The following ZSCAN1 variants were observed in gnomAD, a reference collection of about 807,000 sequenced individuals.
ZSCAN1 encodes zinc finger and SCAN domain containing 1.
A neutral mutation model predicts 23.8 loss-of-function variants in ZSCAN1; 23 were observed. The observed-to-expected ratio is 0.97, with a 90% CI of 0.70 to 1.37. The LOEUF (loss-of-function observed/expected upper bound fraction) is 1.37, where lower values mean the gene tolerates loss of function less well. Among genes scored for constraint, ZSCAN1 ranks in the 40% most tolerant of loss-of-function variants. The pLI, the probability that ZSCAN1 is intolerant of heterozygous loss-of-function variation, is 0.00. For synonymous variants in ZSCAN1, 236 were observed against 232.3 expected, an observed-to-expected ratio of 1.02 and a Z score of -0.15; for missense variants, 575 against 554.0, an observed-to-expected ratio of 1.04 and a Z score of -0.38.
intron 2 of ZSCAN1, among the ~76,000 whole-genome samples, chr19:58,036,964 G>A (rs2073741930): frequency 6.6e-6 from 1 of 152,254 alleles, no homozygotes; most frequent in Non-Finnish European, 1.5e-5. Flanking sequence ...GATTACAGGT[G>A]TGAGCCACGG....
chr19:58,034,517 C>A (rs1260951848), intron 1 of ZSCAN1, among the ~76,000 whole-genome samples: 1 of 152,004 alleles, frequency 6.6e-6, no homozygotes, highest in Non-Finnish European at 1.5e-5. Flanking sequence ...CGCCCAAACA[C>A]CGCTCGGCCG....
At position 58,039,628 on chromosome 19, in the gene ZSCAN1, G is replaced by A. The variant is rs974999360; in HGVS notation, c.371-822G>A. Among the ~76,000 whole-genome samples, 4 of 152,042 alleles carry A rather than the reference G, an allele frequency of 2.6e-5. No homozygotes were observed. The South Asian group carries it at 6.2e-4, about 24-fold the overall frequency. On this transcript the variant is annotated intron_variant, in intron 3 of 5. Coordinates refer to ENST00000282326, the MANE Select transcript of ZSCAN1 (RefSeq NM_182572.4). ...CTAAAAATACAAAAATTAGCCGGGC[G>A]TGGTGGCGCGTGCCTATATTATATC...
chr19:58,035,931 A>G (rs2073731774), intron 1 of ZSCAN1, 39 bp from the exon 2 acceptor site: 1 of 94,310 alleles, frequency 1.1e-5, no homozygotes, highest in Non-Finnish European at 2.4e-5. Flanking sequence ...TCCTTCCTAA[A>G]GATGTCTTGT....
rs2073844384 is a variant in ZSCAN1, at chr19:58,049,316, A to G, written c.466-3174A>G. 6.6e-6 allele frequency: 1 copy of G among 152,276 alleles called. No homozygotes were observed. The highest frequency in any genetic ancestry group is 6.5e-5 in the Admixed American group (1 of 15,276). The allele number at this position is 152,276 out of a possible 1,614,324, so 9.4% of individuals were successfully genotyped here. A position where few individuals can be genotyped will look rare whatever the true frequency, so the allele number is the denominator to read the frequency against. ...TTCCAGTAACTGTTTTAACTGTGCAATCTGCAACTTCCCTAAGTCAAGACA... is the reference window on the plus strand; with the variant it reads ...TTCCAGTAACTGTTTTAACTGTGCAGTCTGCAACTTCCCTAAGTCAAGACA... On this transcript the variant is annotated intron_variant, in intron 4 of 5. Coordinates refer to ENST00000282326, the MANE Select transcript of ZSCAN1 (RefSeq NM_182572.4). This position sits in a 1 kb window ranked among gnomAD's most constrained non-coding sequence, Gnocchi z 4.5.
Position 58,040,574 on chromosome 19 carries a change from C to T in ZSCAN1, c.465+30C>T, listed in dbSNP as rs1568602580. ...GCCCGGGGCCCCCAGCTCCGTGCTC[C>T]TGCACCCCAGGGCATGCGTGCCGCT... is the stretch of plus-strand genomic sequence containing the variant. On this transcript the variant is annotated intron_variant, in intron 4 of 5. Transcript: ENST00000282326. The surrounding 1 kb of genome is among the most constrained non-coding windows in gnomAD (Gnocchi z 5.8). 1 of 1,606,212 alleles carries T rather than the reference C, an allele frequency of 6.2e-7. No individual in the cohort carries two copies. Among genetic ancestry groups the T allele is most frequent in the Non-Finnish European group, 8.5e-7 (1 of 1,173,910 alleles).
chr19:58,037,867 C>G lies in ZSCAN1; in HGVS notation c.31C>G (p.Pro11Ala). The G allele has an allele frequency of 6.6e-7, 1 of 1,524,798 alleles. No homozygotes were observed. The highest frequency in any genetic ancestry group is 8.8e-7 in the Non-Finnish European group (1 of 1,139,006). 94.5% of individuals were successfully genotyped at this position (1,524,798 alleles called of 1,614,324 possible). A position where few individuals can be genotyped will look rare whatever the true frequency, so the allele number is the denominator to read the frequency against. The change falls in exon 3 of 6, where the codon CCC becomes GCC. Residue 11 changes from proline (P) to alanine (A), a missense_variant. Physicochemically the swap from Pro to Ala is conservative, Grantham distance 27 (BLOSUM62 -1). Transcript: ENST00000282326. MLPRPKAPAS[P>A]RRPQTPTPSE... ...TCCACGGCCCAAAGCCCCTGCCTCC[C>G]CCAGACGCCCCCAGACCCCAACCCC...
At position 58,053,853 on chromosome 19, in the gene ZSCAN1, G is replaced by A; in HGVS notation, c.1029G>A (p.Leu343=). 6.2e-7 allele frequency: 1 copy of A among 1,613,946 alleles called. No individual in the cohort carries two copies. Among genetic ancestry groups the A allele is most frequent in the South Asian group, 1.1e-5 (1 of 91,078 alleles). Reference sequence around the variant, plus strand: ...TCACTGAGCATGGCAAGATCCACCTGCTGGAGCCACCGAGGAAGAAAGCCC... The same window carrying A: ...TCACTGAGCATGGCAAGATCCACCTACTGGAGCCACCGAGGAAGAAAGCCC... The part of the protein sequence containing the change: ...SVLTEHGKIH[L]LEPPRKKAPR... Residue 343 remains leucine (L), a synonymous_variant, in exon 6 of 6, where the codon CTG becomes CTA. Coordinates refer to ENST00000282326, the MANE Select transcript of ZSCAN1 (RefSeq NM_182572.4). The surrounding 1 kb of genome is among the most constrained non-coding windows in gnomAD (Gnocchi z 5.8).
At chr19:58,034,607 C>G (rs952209317) in intron 1 of ZSCAN1, among the ~76,000 whole-genome samples, 11 of 151,102 alleles carry the variant, frequency 7.3e-5, no homozygotes, top group Non-Finnish European at 1.3e-4. Flanking sequence ...GGACCCATCT[C>G]CCTCCCTACC....
chr19:58,042,540 C>T (rs1324685373), intron 4 of ZSCAN1, among the ~76,000 whole-genome samples: 1 of 152,128 alleles, frequency 6.6e-6, no homozygotes, highest in Non-Finnish European at 1.5e-5. Context: ...CCATCGCGCC[C>T]GGCCCTAAAA....
rs756787176 is a variant in ZSCAN1 at position 58,038,023 on chromosome 19, T to C, written c.187T>C (p.Cys63Arg). ...CGCGCTGGGCCAGCTCTGGACGCTG[T>C]GCCGCCAGTGGCTGAGGCCCGAGGC... ...HLALGQLWTL[C>R]RQWLRPEARS... The change falls in exon 3 of 6, where the codon TGC becomes CGC. Residue 63 changes from cysteine (C) to arginine (R), a missense_variant. Cys to Arg is a radical substitution (Grantham distance 180). Coordinates refer to ENST00000282326, the MANE Select transcript of ZSCAN1 (RefSeq NM_182572.4). 7 of 1,611,272 alleles carry C rather than the reference T, an allele frequency of 4.3e-6. No homozygotes were observed. The highest frequency in any genetic ancestry group is 2.2e-5 in the East Asian group (1 of 44,856).
In ZSCAN1 at chr19:58,053,959, CCCTT is replaced by C; in HGVS notation, c.1138_1141del (p.Phe380SerfsTer69). On this transcript the variant is annotated frameshift_variant, in exon 6 of 6. Transcript: ENST00000282326. LOFTEE classifies it low-confidence loss of function (END_TRUNC). The surrounding 1 kb of genome is among the most constrained non-coding windows in gnomAD (Gnocchi z 5.8). ...AGTGGCCCCTCGCAGCCCCAAAAGA[CCCTT>C]CCAGTGTAGCGTCTGCGGGAAGGCC... The C allele has an allele frequency of 1.2e-6, 2 of 1,610,638 alleles. No individual in the cohort carries two copies. The highest frequency in any genetic ancestry group is 1.7e-6 in the Non-Finnish European group (2 of 1,178,134).
chr19:58,037,276 C>T (rs542811480), intron 2 of ZSCAN1, among the ~76,000 whole-genome samples: 1 of 152,294 alleles, frequency 6.6e-6, no homozygotes, highest in African/African-American at 2.4e-5. Flanking sequence ...CTTTACATCC[C>T]TGTAGGAACT....
Position 58,040,419 on chromosome 19 carries a change from G to A in ZSCAN1, c.371-31G>A. On this transcript the variant is annotated intron_variant, in intron 3 of 5. Coordinates refer to ENST00000282326, the MANE Select transcript of ZSCAN1 (RefSeq NM_182572.4). The surrounding 1 kb of genome is among the most constrained non-coding windows in gnomAD (Gnocchi z 5.8). ...GAATTGGGGGCTCTGGGAAGAACAG[G>A]CCCCTCTCACGATCCCTTTCTCCCG... 6.2e-7 allele frequency: 1 copy of A among 1,609,890 alleles called. No homozygotes were observed. Among genetic ancestry groups the A allele is most frequent in the Non-Finnish European group, 8.5e-7 (1 of 1,176,934 alleles).
chr19:58,053,982 G>A lies in ZSCAN1; in HGVS notation c.1158G>A (p.Gly386=), dbSNP rs1161298681. 11 of 1,593,860 alleles carry A rather than the reference G, an allele frequency of 6.9e-6. No individual in the cohort carries two copies. Among genetic ancestry groups the A allele is most frequent in the Non-Finnish European group, 9.4e-6 (11 of 1,168,966 alleles). The stretch of plus-strand genomic sequence containing the variant: ...GACCCTTCCAGTGTAGCGTCTGCGG[G>A]AAGGCCTTCCCCTGGATGGTCCACC... ...PKRPFQCSVC[G]KAFPWMVHLI... Residue 386 remains glycine (G), a synonymous_variant, in exon 6 of 6, where the codon GGG becomes GGA. Transcript: ENST00000282326. The surrounding 1 kb of genome is among the most constrained non-coding windows in gnomAD (Gnocchi z 5.8).
Position 58,040,398 on chromosome 19 carries a change from T to A in ZSCAN1, c.371-52T>A. On this transcript the variant is annotated intron_variant, in intron 3 of 5. Transcript: ENST00000282326. This position sits in a 1 kb window ranked among gnomAD's most constrained non-coding sequence, Gnocchi z 5.8. ...GCCCTCCCCAGAAGGCCTGGAGAATTGGGGGCTCTGGGAAGAACAGGCCCC... is the reference window on the plus strand; with the variant it reads ...GCCCTCCCCAGAAGGCCTGGAGAATAGGGGGCTCTGGGAAGAACAGGCCCC... 1 of 1,593,074 alleles carries A rather than the reference T, an allele frequency of 6.3e-7. No homozygotes were observed. Among genetic ancestry groups the A allele is most frequent in the South Asian group, 1.1e-5 (1 of 90,560 alleles).
chr19:58,034,770 C>T (rs1435980967), intron 1 of ZSCAN1, among the ~76,000 whole-genome samples: 2 of 142,602 alleles, frequency 1.4e-5, no homozygotes. Flanking sequence ...TCCCCCCAAC[C>T]AGCCGTCCAC....
At position 58,038,141 on chromosome 19, in the gene ZSCAN1, GC is replaced by G; in HGVS notation, c.310del (p.Arg104GlufsTer56). 1 of 1,609,274 alleles carries G rather than the reference GC, an allele frequency of 6.2e-7. No homozygotes were observed. Among genetic ancestry groups the G allele is most frequent in the Middle Eastern group, 2.2e-4 (1 of 4,640 alleles). On this transcript the variant is annotated frameshift_variant, in exon 3 of 6. Coordinates refer to ENST00000282326, the MANE Select transcript of ZSCAN1 (RefSeq NM_182572.4). LOFTEE classifies it high-confidence loss of function. ...ATGCGGACCTGGGTGCAGTCACAGG[GC>G]CCCCGAAGCTGCAGGGAGGCCGCCA... ...SKMRTWVQSQ[G>X]PRSCREAASL...
rs199662282 is a variant in ZSCAN1 at position 58,053,403 on chromosome 19, T to G, written c.605-26T>G. ...GCCAAGGCCATCCACTCACTACAGGTGACCCATCTCCCTCGCCCTCCACAG... is the reference window on the plus strand; with the variant it reads ...GCCAAGGCCATCCACTCACTACAGGGGACCCATCTCCCTCGCCCTCCACAG... On this transcript the variant is annotated intron_variant, in intron 5 of 5. Transcript: ENST00000282326. This position sits in a 1 kb window ranked among gnomAD's most constrained non-coding sequence, Gnocchi z 5.8. The G allele has an allele frequency of 6.9e-5, 109 of 1,588,104 alleles. No individual in the cohort carries two copies. In the African/African-American group the frequency reaches 1.3e-3, roughly 19 times the overall value.
chr19:58,039,649 A>C (rs989185548), intron 3 of ZSCAN1, among the ~76,000 whole-genome samples: 14 of 151,782 alleles, frequency 9.2e-5, no homozygotes, highest in African/African-American at 3.4e-4. Flanking sequence ...TGCCTATATT[A>C]TATCCCAGCT....
Sources: gnomAD v4.1 joint callset for allele counts (sites outside exome capture counted in the v4.1 genomes callset) on GRCh38, gnomAD v4.1.1 for gene constraint, Gnocchi (gnomAD v3.1) non-coding constraint, MANE v1.5 for transcripts, NCBI Gene and HGNC (gene_info 2026-07-23, HGNC 2026-07-21) for gene names.